Variants in DPY19L4 observed in about 807,000 individuals in gnomAD.
DPY19L4 encodes dpy-19 like 4.
DPY19L4 carries 97 observed loss-of-function variants against 102.8 expected under a neutral mutation model. That is an observed-to-expected ratio of 0.94 (90% CI 0.80 to 1.12). The LOEUF (loss-of-function observed/expected upper bound fraction) is 1.12, where lower values mean the gene tolerates loss of function less well. DPY19L4 is among the 50% of genes most tolerant of loss of function. The pLI, the probability that DPY19L4 is intolerant of heterozygous loss-of-function variation, is 0.00. For missense variants in DPY19L4, 815 were observed against 850.4 expected (o/e 0.96, Z 0.52); for synonymous variants, 252 against 283.1 (o/e 0.89, Z 1.10).
intron 6 of DPY19L4, chr8:94,744,224 T>G: frequency 2.5e-6 from 1 of 394,742 alleles, no homozygotes; most frequent in East Asian, 7.1e-5. Flanking sequence ...TCTGAAGGCC[T>G]GGCTGGGCTG....
At chr8:94,723,158 C>G (rs1286328391) in intron 1 of DPY19L4, among the ~76,000 whole-genome samples, 2 of 152,118 alleles carry the variant, frequency 1.3e-5, no homozygotes, top group Non-Finnish European at 2.9e-5. Flanking sequence ...TTTTTCTTTA[C>G]AATGCTAAAA....
At position 94,774,524 on chromosome 8, in the gene DPY19L4, G is replaced by A. The variant is rs994105034; in HGVS notation, c.1455-3142G>A. On this transcript the variant is annotated intron_variant, in intron 13 of 18. Transcript: ENST00000414645. Reference sequence around the variant, plus strand: ...AACTGTGTATCAATGAACAACTCTCGTTTTTTTCCCTACCCTCAACCTCTA... The same window carrying A: ...AACTGTGTATCAATGAACAACTCTCATTTTTTTCCCTACCCTCAACCTCTA... Among the ~76,000 whole-genome samples, 9 of 149,646 alleles carry A rather than the reference G, an allele frequency of 6.0e-5. No individual in the cohort carries two copies. The South Asian group carries it at 1.3e-3, about 21-fold the overall frequency.
At chr8:94,722,683 C>T (rs1810519225) in intron 1 of DPY19L4, among the ~76,000 whole-genome samples, 1 of 152,266 alleles carries the variant, frequency 6.6e-6, no homozygotes, top group African/African-American at 2.4e-5. Flanking sequence ...GCCAGGCATT[C>T]TGAGTGTTTT....
At position 94,729,547 on chromosome 8, in the gene DPY19L4, C is replaced by T. The variant is rs576237143; in HGVS notation, c.127+3106C>T. ...TCAGGAGGTGGAGATTGCAGTGAGC[C>T]GAGAATGTGCCACTGCACTCCAGCC... On this transcript the variant is annotated intron_variant, in intron 2 of 18. Coordinates refer to ENST00000414645, the MANE Select transcript of DPY19L4 (RefSeq NM_181787.3). 2.1e-4 allele frequency among the ~76,000 whole-genome samples: 26 copies of T among 122,392 alleles called. No homozygotes were observed. In the South Asian group the frequency reaches 5.7e-3, roughly 27 times the overall value. The allele number at this position is 122,392 out of a possible 152,430, so 80.3% of individuals were successfully genotyped here.
At chr8:94,747,718 C>T (rs1453037150) in intron 6 of DPY19L4, among the ~76,000 whole-genome samples, 6 of 151,932 alleles carry the variant, frequency 3.9e-5, no homozygotes, top group Non-Finnish European at 7.4e-5. Flanking sequence ...GCCACTATGC[C>T]TGGCTAATTT....
chr8:94,787,063 T>G (rs1233338062), intron 17 of DPY19L4, among the ~76,000 whole-genome samples: 1 of 152,152 alleles, frequency 6.6e-6, no homozygotes. Context: ...TGATCTACAT[T>G]GCAGAGAACA....
chr8:94,764,718 T>TATATATATATATA (rs1491418916), intron 8 of DPY19L4, among the ~76,000 whole-genome samples: 3 of 50,592 alleles, frequency 5.9e-5, no homozygotes, highest in African/African-American at 3.6e-4. Context: ...TATATATATA[T>TATATATATATATA]TTTTTTTTTT....
intron 3 of DPY19L4, among the ~76,000 whole-genome samples, chr8:94,737,699 C>T (rs554118979): frequency 3.4e-4 from 52 of 151,518 alleles, no homozygotes; most frequent in African/African-American, 1.1e-3. Context: ...AGGTGAATGG[C>T]GTGAACCCAA....
At chr8:94,733,118 C>CTTTTTTTT (rs34879619) in intron 2 of DPY19L4, among the ~76,000 whole-genome samples, 7 of 76,348 alleles carry the variant, frequency 9.2e-5, no homozygotes, top group Non-Finnish European at 1.4e-4. Context: ...TCATCTTAAC[C>CTTTTTTTT]TTTTTTTTTT....
At position 94,761,695 on chromosome 8, in the gene DPY19L4, C is replaced by T. The variant is rs866047601; in HGVS notation, c.736-5C>T. ...TATTTAGTTTCTTTCATTTGTTTTC[C>T]CTAGAGGTTTTGCTACTTGTTGATG... On this transcript the variant is annotated splice_polypyrimidine_tract_variant and splice_region_variant and intron_variant, in intron 7 of 18. Transcript: ENST00000414645. 2 of 1,584,370 alleles carry T rather than the reference C, an allele frequency of 1.3e-6. No individual in the cohort carries two copies. The highest frequency in any genetic ancestry group is 1.8e-5 in the Admixed American group (1 of 54,928).
At chr8:94,740,615 C>T (rs1044284832) in intron 6 of DPY19L4, among the ~76,000 whole-genome samples, 10 of 152,008 alleles carry the variant, frequency 6.6e-5, no homozygotes, top group African/African-American at 9.7e-5. Flanking sequence ...CCACCAAACC[C>T]GGCTAATTTT....
chr8:94,719,984 G>A lies in DPY19L4; in HGVS notation c.-15G>A. On this transcript the variant is annotated 5_prime_UTR_variant, in exon 1 of 19. Transcript: ENST00000414645. ...CGCGCGGGAGCCGCAGGGCGCCCTA[G>A]CCTTCGCAGAAACGATGGCGGAGGA... The A allele has an allele frequency of 6.6e-7, 1 of 1,525,486 alleles. No individual in the cohort carries two copies. Among genetic ancestry groups the A allele is most frequent in the Non-Finnish European group, 8.8e-7 (1 of 1,137,576 alleles). The allele number at this position is 1,525,486 out of a possible 1,614,324, so 94.5% of individuals were successfully genotyped here.
chr8:94,741,494 G>A (rs115593098), intron 6 of DPY19L4, among the ~76,000 whole-genome samples: 4,229 of 152,236 alleles, frequency 0.028, 142 homozygotes, highest in African/African-American at 0.079. Context: ...GTCACTATTA[G>A]AAAGTGAAGA....
chr8:94,769,912 G>T, intron 12 of DPY19L4, among the ~76,000 whole-genome samples: 1 of 137,336 alleles, frequency 7.3e-6, no homozygotes, highest in African/African-American at 2.8e-5. Flanking sequence ...TTTTGAGACA[G>T]AGTCTTACTC....
Position 94,787,981 on chromosome 8 carries a change from G to A in DPY19L4, c.1936G>A (p.Ala646Thr). 6.6e-7 allele frequency: 1 copy of A among 1,522,844 alleles called. No homozygotes were observed. Among genetic ancestry groups the A allele is most frequent in the Non-Finnish European group, 8.8e-7 (1 of 1,135,734 alleles). 94.3% of individuals were successfully genotyped at this position (1,522,844 alleles called of 1,614,324 possible). A position where few individuals can be genotyped will look rare whatever the true frequency, so the allele number is the denominator to read the frequency against. Residue 646 changes from alanine (A) to threonine (T), a missense_variant, in exon 18 of 19, where the codon GCT (alanine) becomes ACT (threonine). Coordinates refer to ENST00000414645, the MANE Select transcript of DPY19L4 (RefSeq NM_181787.3). ...AGCTAATTACCTAATTGTAGAGGAT[G>A]CTATCTGCAATGAGGTGGGACCCAT... is the stretch of plus-strand genomic sequence containing the variant. ...YKANYLIVED[A>T]ICNEVGPMRG...
chr8:94,740,732 G>A (rs1469770409), intron 6 of DPY19L4, among the ~76,000 whole-genome samples: 3 of 152,186 alleles, frequency 2.0e-5, no homozygotes, highest in African/African-American at 7.2e-5. Context: ...TGGGATTACA[G>A]GTGTGAGCCA....
chr8:94,780,338 C>G (rs368900434), intron 14 of DPY19L4, 21 bp from the exon 15 acceptor site: 22 of 1,447,230 alleles, frequency 1.5e-5, no homozygotes, highest in Non-Finnish European at 2.0e-5. Flanking sequence ...ATTTGTAATC[C>G]TTTTTGCTTT....
chr8:94,785,970 T>A (rs1231885639), intron 17 of DPY19L4, among the ~76,000 whole-genome samples: 3 of 151,840 alleles, frequency 2.0e-5, no homozygotes, highest in Non-Finnish European at 4.4e-5. Context: ...GAGTTTTAAG[T>A]TTTATGTAAC....
At chr8:94,746,054 ATTTTTTTTT>A (rs35095979) in intron 6 of DPY19L4, among the ~76,000 whole-genome samples, 2 of 67,120 alleles carry the variant, frequency 3.0e-5, no homozygotes, top group Non-Finnish European at 5.4e-5. Context: ...ATGCCTGGCC[ATTTTTTTTT>A]TTTTTTTTTT....
Sources: allele counts gnomAD v4.1 joint callset (sites outside exome capture counted in the v4.1 genomes callset), GRCh38; gene constraint gnomAD v4.1.1; transcripts MANE v1.5; gene names NCBI Gene and HGNC (gene_info 2026-07-23, HGNC 2026-07-21).